Variants in ENTREP1 observed in about 807,000 individuals in gnomAD.
ENTREP1 encodes Friedreich ataxia region gene X123.
chr9:69,383,733 G>A, the ENTREP1 span: 2 of 1,614,178 alleles, frequency 1.2e-6, no homozygotes, highest in Non-Finnish European at 1.7e-6. Context: ...ATATGAAGCT[G>A]TGGTGAGCCA....
At chr9:69,324,732 T>A in the ENTREP1 span, 1 of 985,128 alleles carries the variant, frequency 1.0e-6, no homozygotes, top group Non-Finnish European at 1.2e-6. Context: ...CCAAAGCCCC[T>A]CCTCCAGGCA....
At chr9:69,339,122 G>A in the ENTREP1 span, among the ~76,000 whole-genome samples, 1 of 151,756 alleles carries the variant, frequency 6.6e-6, no homozygotes, top group Admixed American at 6.6e-5. Flanking sequence ...TGGGCTCAAG[G>A]GATCCTCCCA....
the ENTREP1 span, chr9:69,379,495 AG>A: frequency 6.6e-6 from 1 of 152,294 alleles, no homozygotes; most frequent in Non-Finnish European, 1.5e-5. Flanking sequence ...TCAAAGCCTC[AG>A]GGGCTGGGAT....
At chr9:69,333,556 T>C in the ENTREP1 span, among the ~76,000 whole-genome samples, 7 of 152,126 alleles carry the variant, frequency 4.6e-5, no homozygotes, top group African/African-American at 1.7e-4. Context: ...CCGCCTGCCT[T>C]GGCCTCCCAA....
the ENTREP1 span, chr9:69,324,871 C>G: frequency 1.0e-6 from 1 of 985,294 alleles, no homozygotes; most frequent in East Asian, 1.1e-4. Flanking sequence ...TGGGGACAGA[C>G]GCTGAGACTC....
At chr9:69,363,065 A>C in the ENTREP1 span, among the ~76,000 whole-genome samples, 5 of 152,326 alleles carry the variant, frequency 3.3e-5, no homozygotes, top group African/African-American at 1.2e-4. Context: ...CTATGAGAGC[A>C]CTAGCTCTTT....
At chr9:69,363,884 A>T in the ENTREP1 span, among the ~76,000 whole-genome samples, 28 of 152,188 alleles carry the variant, frequency 1.8e-4, no homozygotes, top group Non-Finnish European at 3.2e-4. Flanking sequence ...CAAACAGGAG[A>T]TGCCCCACAC....
the ENTREP1 span, among the ~76,000 whole-genome samples, chr9:69,339,134 C>A: frequency 2.0e-5 from 3 of 152,090 alleles, no homozygotes; most frequent in Non-Finnish European, 2.9e-5. Context: ...ATCCTCCCAG[C>A]TTAGTCTCCT....
chr9:69,388,428 C>T, the ENTREP1 span: 1 of 1,601,612 alleles, frequency 6.2e-7, no homozygotes, highest in South Asian at 1.1e-5. Flanking sequence ...GAAGCCATCA[C>T]AAGTGCCAGT....
At chr9:69,332,843 TA>T in the ENTREP1 span, among the ~76,000 whole-genome samples, 17 of 152,346 alleles carry the variant, frequency 1.1e-4, no homozygotes, top group Non-Finnish European at 4.4e-5. Context: ...TTTTTAAAGA[TA>T]TATGTTCATA....
the ENTREP1 span, among the ~76,000 whole-genome samples, chr9:69,362,956 G>A: frequency 1.2e-4 from 18 of 152,132 alleles, no homozygotes; most frequent in Admixed American, 3.3e-4. Flanking sequence ...GTGATTGTGT[G>A]AGTTAATACT....
At chr9:69,349,856 T>C in the ENTREP1 span, among the ~76,000 whole-genome samples, 3,249 of 152,342 alleles carry the variant, frequency 0.021, 48 homozygotes, top group Middle Eastern at 0.068. Flanking sequence ...ATGTAACTTA[T>C]TGAATACTGT....
the ENTREP1 span, among the ~76,000 whole-genome samples, chr9:69,377,956 T>G: frequency 6.6e-6 from 1 of 152,226 alleles, no homozygotes; most frequent in African/African-American, 2.4e-5. Context: ...TCTGCCAGCC[T>G]TCTTTAGAAA....
the ENTREP1 span, chr9:69,375,659 G>T: frequency 8.6e-7 from 1 of 1,160,820 alleles, no homozygotes; most frequent in Non-Finnish European, 1.3e-6. Flanking sequence ...CATTCTACAG[G>T]ATTGGTGCTC....
the ENTREP1 span, chr9:69,383,309 G>A: frequency 2.2e-6 from 2 of 889,946 alleles, no homozygotes; most frequent in Non-Finnish European, 2.9e-6. Context: ...CCATCAAACA[G>A]TCACTCCCCA....
the ENTREP1 span, chr9:69,381,929 T>G: frequency 2.6e-5 from 4 of 152,264 alleles, no homozygotes; most frequent in Admixed American, 6.5e-5. Context: ...TACAATAGTT[T>G]AGGATCTAAA....
At chr9:69,387,952 C>T in the ENTREP1 span, 164 of 1,523,428 alleles carry the variant, frequency 1.1e-4, no homozygotes, top group African/African-American at 1.6e-3. Flanking sequence ...TGACGTGTTT[C>T]GGGCCATATC....
At chr9:69,340,697 G>GTGTGTGTGCATGCATGTGTGTGTGTA in the ENTREP1 span, among the ~76,000 whole-genome samples, 2 of 110,642 alleles carry the variant, frequency 1.8e-5, no homozygotes, top group Non-Finnish European at 3.7e-5. Context: ...GTGTGTGTAT[G>GTGTGTGTGCATGCATGTGTGTGTGTA]TGTGTGTGTA....
the ENTREP1 span, among the ~76,000 whole-genome samples, chr9:69,340,743 G>A: frequency 2.9e-5 from 4 of 135,734 alleles, no homozygotes; most frequent in Admixed American, 7.5e-5. Flanking sequence ...GTATGTGTGT[G>A]TGTTTGTGTG....
Sources: allele counts gnomAD v4.1 joint callset (sites outside exome capture counted in the v4.1 genomes callset), GRCh38; gene constraint gnomAD v4.1.1; transcripts MANE v1.5; gene names NCBI Gene and HGNC (gene_info 2026-07-23, HGNC 2026-07-21).